The following SEMA4F variants were observed in gnomAD, a reference collection of about 807,000 sequenced individuals.
SEMA4F encodes the protein ssemaphorin 4F.
A neutral mutation model predicts 78.4 loss-of-function variants in SEMA4F; 51 were observed. The ratio of observed to expected loss-of-function variants is 0.65; its 90% CI spans 0.52 to 0.82. SEMA4F has a LOEUF of 0.82. Among genes scored for constraint, SEMA4F ranks in the 40% least tolerant of loss-of-function variants. SEMA4F has a pLI of 0.00. For synonymous variants in SEMA4F, 418 were observed against 408.7 expected (o/e 1.02, Z -0.27); for missense variants, 938 against 1,014.4 (o/e 0.92, Z 1.02).
chr2:74,658,015 T>C lies in SEMA4F; in HGVS notation c.456+64T>C. On this transcript the variant is annotated intron_variant, in intron 4 of 13. Coordinates refer to ENST00000357877, the MANE Select transcript of SEMA4F (RefSeq NM_004263.5). The surrounding 1 kb of genome is among the most constrained non-coding windows in gnomAD (Gnocchi z 4.3). Reference sequence around the variant, plus strand: ...CACCAGTGTGAGTTACTTGGGGTGGTGGTGGGAGGATGGGAAGGGTTTTCT... The same window carrying C: ...CACCAGTGTGAGTTACTTGGGGTGGCGGTGGGAGGATGGGAAGGGTTTTCT... 1 of 1,461,270 alleles carries C rather than the reference T, an allele frequency of 6.8e-7. No homozygotes were observed. Among genetic ancestry groups the C allele is most frequent in the Non-Finnish European group, 9.6e-7 (1 of 1,043,184 alleles). The allele number at this position is 1,461,270 out of a possible 1,614,324, so 90.5% of individuals were successfully genotyped here. A position where few individuals can be genotyped will look rare whatever the true frequency, so the allele number is the denominator to read the frequency against.
intron 5 of SEMA4F, among the ~76,000 whole-genome samples, chr2:74,667,322 T>C (rs1057097834): frequency 2.0e-5 from 3 of 152,214 alleles, no homozygotes; most frequent in Non-Finnish European, 2.9e-5. Flanking sequence ...AAAGTGGAAT[T>C]GCTAGGTGTA....
chr2:74,682,709 G>T lies in SEMA4F; in HGVS notation c.*2500G>T, dbSNP rs987874524. The T allele has an allele frequency of 2.6e-5, 4 of 152,270 alleles. No individual in the cohort carries two copies. Among genetic ancestry groups the T allele is most frequent in the African/African-American group, 4.8e-5 (2 of 41,430 alleles). The allele number at this position is 152,270 out of a possible 1,614,324, so 9.4% of individuals were successfully genotyped here. A position where few individuals can be genotyped will look rare whatever the true frequency, so the allele number is the denominator to read the frequency against. ...TGAGGTTGTGGCCTAGTTCCTCTTT[G>T]GGGGAGGGAGGAAGGTGGGGAGATG... On this transcript the variant is annotated 3_prime_UTR_variant, in exon 14 of 14. Coordinates refer to ENST00000357877, the MANE Select transcript of SEMA4F (RefSeq NM_004263.5).
At position 74,679,339 on chromosome 2, in the gene SEMA4F, G is replaced by C; in HGVS notation, c.1702+5G>C. ...TGTGTCCTAAAGAGCCTGGAGGTCT[G>C]TATGGTCTGTATGGATTAGGGAAAT... On this transcript the variant is annotated splice_donor_5th_base_variant and intron_variant, in intron 13 of 13. Transcript: ENST00000357877. 3.7e-6 allele frequency: 6 copies of C among 1,607,988 alleles called. No individual in the cohort carries two copies. The highest frequency in any genetic ancestry group is 5.1e-6 in the Non-Finnish European group (6 of 1,174,420).
At chr2:74,692,069 G>T in the SEMA4F span, among the ~76,000 whole-genome samples, 1 of 152,176 alleles carries the variant, frequency 6.6e-6, no homozygotes, top group Non-Finnish European at 1.5e-5. Context: ...CCAGGCAAAA[G>T]AAGTACCAGG....
chr2:74,656,345 A>G (rs1457261559), intron 1 of SEMA4F, among the ~76,000 whole-genome samples, 189 bp from the exon 2 acceptor site: 1 of 152,006 alleles, frequency 6.6e-6, no homozygotes, highest in Non-Finnish European at 1.5e-5. Context: ...ATACTTACCC[A>G]CTGGATTGTG....
chr2:74,692,295 A>G, the SEMA4F span, among the ~76,000 whole-genome samples: 13 of 152,310 alleles, frequency 8.5e-5, no homozygotes, highest in South Asian at 2.5e-3. Flanking sequence ...CACAGAGTTC[A>G]TGAAATGTGG....
intron 1 of SEMA4F, among the ~76,000 whole-genome samples, chr2:74,654,971 C>T (rs573919317): frequency 6.6e-6 from 1 of 152,306 alleles, no homozygotes; most frequent in African/African-American, 2.4e-5. Flanking sequence ...CTTTCAGACC[C>T]ATCAGTCTTT....
At chr2:74,674,476 T>C in intron 7 of SEMA4F, 22 bp from the exon 8 acceptor site, 1 of 1,595,224 alleles carries the variant, frequency 6.3e-7, no homozygotes, top group Non-Finnish European at 8.5e-7. Flanking sequence ...AAAGAGAACC[T>C]CCCATGTGTT....
chr2:74,660,699 A>C (rs1684383955), intron 4 of SEMA4F, among the ~76,000 whole-genome samples: 1 of 152,258 alleles, frequency 6.6e-6, no homozygotes, highest in Non-Finnish European at 1.5e-5. Context: ...TAACCTATCT[A>C]GTTAATAGGA....
rs757393861 is a variant in SEMA4F at position 74,674,914 on chromosome 2, G to A, written c.1028G>A (p.Cys343Tyr). The A allele has an allele frequency of 1.1e-5, 18 of 1,614,036 alleles. No homozygotes were observed. The Middle Eastern group carries it at 6.6e-4, about 59-fold the overall frequency. ...QWEGATISAV[C>Y]AFRPQDIRTV... Reference sequence around the variant, plus strand: ...GAGGGGGCTACTATCTCTGCTGTCTGTGCCTTCCGACCACAAGACATTCGG... The same window carrying A: ...GAGGGGGCTACTATCTCTGCTGTCTATGCCTTCCGACCACAAGACATTCGG... Residue 343 changes from cysteine to tyrosine, a missense_variant, in exon 9 of 14, where the codon TGT becomes TAT. Cys to Tyr is a radical substitution (Grantham distance 194). Coordinates refer to ENST00000357877, the MANE Select transcript of SEMA4F (RefSeq NM_004263.5).
At position 74,675,542 on chromosome 2, in the gene SEMA4F, C is replaced by G; in HGVS notation, c.1390C>G (p.Arg464Gly). The change falls in exon 11 of 14, where the codon CGA becomes GGA. Residue 464 changes from arginine (R) to glycine (G), a missense_variant. By Grantham distance (125) the Arg-to-Gly change is moderately radical (BLOSUM62 -2). Coordinates refer to ENST00000357877, the MANE Select transcript of SEMA4F (RefSeq NM_004263.5). ...TCCCCTAGAGGATGGACACCTCCACCGAGCAGTGCGGATCGGAGCTCAGCT... is the reference window on the plus strand; with the variant it reads ...TCCCCTAGAGGATGGACACCTCCACGGAGCAGTGCGGATCGGAGCTCAGCT... Reference protein sequence around the residue: ...YLGTEDGHLHRAVRIGAQLSV... With the variant: ...YLGTEDGHLHGAVRIGAQLSV... 2 of 1,614,042 alleles carry G rather than the reference C, an allele frequency of 1.2e-6. No homozygotes were observed. Among genetic ancestry groups the G allele is most frequent in the East Asian group, 4.5e-5 (2 of 44,882 alleles).
At chr2:74,700,679 G>A in the SEMA4F span, among the ~76,000 whole-genome samples, 1 of 152,212 alleles carries the variant, frequency 6.6e-6, no homozygotes, top group Admixed American at 6.5e-5. Flanking sequence ...CACAGAGAGG[G>A]TAAGTAACTT....
intron 5 of SEMA4F, among the ~76,000 whole-genome samples, chr2:74,667,524 A>C (rs1016912672): frequency 2.0e-5 from 3 of 152,182 alleles, no homozygotes; most frequent in Non-Finnish European, 4.4e-5. Context: ...CATTTCTTTT[A>C]GTGAGGTTGA....
chr2:74,703,516 G>T, the SEMA4F span, among the ~76,000 whole-genome samples: 3 of 152,170 alleles, frequency 2.0e-5, no homozygotes, highest in African/African-American at 7.2e-5. Flanking sequence ...CTCCCCTCCC[G>T]TTAGCTGCTG....
rs1251826056 is a variant in SEMA4F at position 74,654,343 on chromosome 2, C to G, written c.-34C>G. The G allele has an allele frequency of 2.1e-6, 3 of 1,452,680 alleles. No individual in the cohort carries two copies. The highest frequency in any genetic ancestry group is 3.0e-5 in the African/African-American group (2 of 67,550). The allele number at this position is 1,452,680 out of a possible 1,614,324, so 90.0% of individuals were successfully genotyped here. ...CCGGGGCCCTGAGCAGAGGCCGTAG[C>G]TTGCGCCGCACCCGCGGCCAGGCGG... On this transcript the variant is annotated 5_prime_UTR_variant, in exon 1 of 14. Coordinates refer to ENST00000357877, the MANE Select transcript of SEMA4F (RefSeq NM_004263.5).
chr2:74,674,746 G>A (rs994305910), intron 8 of SEMA4F, 70 bp downstream of exon 8: 25 of 1,574,978 alleles, frequency 1.6e-5, no homozygotes, highest in Non-Finnish European at 2.1e-5. Flanking sequence ...TGTCAGTGTT[G>A]TCTCTTCCAG....
In SEMA4F at chr2:74,656,693, A is replaced by G; in HGVS notation, c.297+8A>G. 6.2e-7 allele frequency: 1 copy of G among 1,614,020 alleles called. No individual in the cohort carries two copies. Among genetic ancestry groups the G allele is most frequent in the Non-Finnish European group, 8.5e-7 (1 of 1,179,942 alleles). On this transcript the variant is annotated splice_region_variant and intron_variant, in intron 2 of 13. Transcript: ENST00000357877. ...GGGGAGAGACCCCGCAGGGTGAGAGACAAGAGAGGGAAGGACCCCTGACCC... is the reference window on the plus strand; with the variant it reads ...GGGGAGAGACCCCGCAGGGTGAGAGGCAAGAGAGGGAAGGACCCCTGACCC...
At chr2:74,692,257 T>C in the SEMA4F span, among the ~76,000 whole-genome samples, 1 of 152,058 alleles carries the variant, frequency 6.6e-6, no homozygotes, top group Non-Finnish European at 1.5e-5. Context: ...CCAGGCAATG[T>C]GCCTAAGATG....
chr2:74,657,648 C>A, intron 3 of SEMA4F, 24 bp downstream of exon 3: 1 of 1,611,946 alleles, frequency 6.2e-7, no homozygotes, highest in Non-Finnish European at 8.5e-7. Flanking sequence ...TGAGCCCTGT[C>A]TTGAGTGTCA....
Sources: gnomAD v4.1 joint callset for allele counts (sites outside exome capture counted in the v4.1 genomes callset) on GRCh38, gnomAD v4.1.1 for gene constraint, Gnocchi (gnomAD v3.1) non-coding constraint, MANE v1.5 for transcripts, NCBI Gene and HGNC (gene_info 2026-07-23, HGNC 2026-07-21) for gene names.